The following PMPCB variants were observed in gnomAD, a reference collection of about 807,000 sequenced individuals.
PMPCB encodes the protein peptidase, mitochondrial processing subunit beta, also known as mitochondrial-processing peptidase subunit beta.
PMPCB carries 46 observed loss-of-function variants against 61.5 expected under a neutral mutation model. That is an observed-to-expected ratio of 0.75 (90% CI 0.59 to 0.96). The LOEUF (loss-of-function observed/expected upper bound fraction) is 0.96. Among genes scored for constraint, PMPCB ranks in the 40% least tolerant of loss-of-function variants. The probability of loss-of-function intolerance (pLI) is 0.00; values close to 1 mark genes in which losing one functional copy is unlikely to be tolerated. For missense variants in PMPCB, 590 were observed against 602.4 expected (o/e 0.98, Z 0.22); for synonymous variants, 191 against 201.6 (o/e 0.95, Z 0.44).
At chr7:103,345,134 T>G in the PMPCB span, 2 of 191,292 alleles carry the variant, frequency 1.0e-5, no homozygotes, top group Non-Finnish European at 2.1e-5. Context: ...TGCGGAGAAT[T>G]ACGTACGTGT....
rs187889977 is a variant in PMPCB at position 103,300,444 on chromosome 7, G to A, written c.457+137G>A. ...AAGCGAAACTGAATTCTGGGTGAGG[G>A]TACAGCTGATCTTATTTTTTTTCTA... On this transcript the variant is annotated intron_variant, in intron 4 of 12. Coordinates refer to ENST00000249269, the MANE Select transcript of PMPCB (RefSeq NM_004279.3). 1.6e-4 allele frequency: 90 copies of A among 557,240 alleles called. No individual in the cohort carries two copies. In the Admixed American group the frequency reaches 3.2e-3, roughly 20 times the overall value. 34.5% of individuals were successfully genotyped at this position (557,240 alleles called of 1,614,324 possible).
intron 12 of PMPCB, chr7:103,327,769 A>G (rs761562556): frequency 7.6e-6 from 12 of 1,573,084 alleles, no homozygotes; most frequent in Non-Finnish European, 8.7e-6. Context: ...AAAACCAGTC[A>G]GATTGAGATA....
At chr7:103,303,752 A>C (rs933376850) in intron 4 of PMPCB, 90 bp from the exon 5 acceptor site, 6 of 775,726 alleles carry the variant, frequency 7.7e-6, no homozygotes, top group African/African-American at 7.0e-5. Context: ...GTGATGGGTC[A>C]GTGTCATGAT....
chr7:103,320,137 G>A (rs1475424715), intron 12 of PMPCB, among the ~76,000 whole-genome samples: 1 of 152,088 alleles, frequency 6.6e-6, no homozygotes, highest in Non-Finnish European at 1.5e-5. Context: ...CGCCCAGGCT[G>A]GAGTCCAGTG....
the PMPCB span, chr7:103,344,305 A>ATG: frequency 1.8e-6 from 1 of 569,656 alleles, no homozygotes; most frequent in Non-Finnish European, 3.1e-6. Context: ...TGCTCAGCCC[A>ATG]ATCCATGAGT....
chr7:103,304,688 C>G (rs1242619085), intron 6 of PMPCB, among the ~76,000 whole-genome samples, 198 bp downstream of exon 6: 1 of 151,984 alleles, frequency 6.6e-6, no homozygotes, highest in East Asian at 1.9e-4. Flanking sequence ...TTAGGCCAGG[C>G]ATGGTGACTC....
chr7:103,303,320 T>C (rs1257094555), intron 4 of PMPCB, among the ~76,000 whole-genome samples: 1 of 152,214 alleles, frequency 6.6e-6, no homozygotes, highest in African/African-American at 2.4e-5. Flanking sequence ...TTTTGGCATG[T>C]TCCCCAGGTT....
the PMPCB span, chr7:103,344,567 A>C: frequency 6.2e-7 from 1 of 1,613,712 alleles, no homozygotes; most frequent in Non-Finnish European, 8.5e-7. Context: ...ACCAGAGGTC[A>C]GAGCGTGGGT....
At chr7:103,320,557 G>A (rs1050568993) in intron 12 of PMPCB, among the ~76,000 whole-genome samples, 3 of 150,944 alleles carry the variant, frequency 2.0e-5, no homozygotes, top group South Asian at 4.2e-4. Flanking sequence ...TCAGGAGATC[G>A]AGACCATCCT....
chr7:103,309,100 G>A lies in PMPCB; in HGVS notation c.993+5G>A. ...CGCTCTTTTGGGGGAGGAATGGTAA[G>A]TGATTTTAAAAGAAATTTTCCATAA... On this transcript the variant is annotated splice_donor_5th_base_variant and intron_variant, in intron 8 of 12. Transcript: ENST00000249269. The A allele has an allele frequency of 1.9e-6, 3 of 1,582,718 alleles. No individual in the cohort carries two copies. The highest frequency in any genetic ancestry group is 2.6e-6 in the Non-Finnish European group (3 of 1,166,418).
rs1563444388 is a variant in PMPCB at position 103,300,311 on chromosome 7, C to G, written c.457+4C>G. The G allele has an allele frequency of 6.3e-7, 1 of 1,595,352 alleles. No individual in the cohort carries two copies. The highest frequency in any genetic ancestry group is 8.5e-7 in the Non-Finnish European group (1 of 1,170,888). On this transcript the variant is annotated splice_donor_region_variant and intron_variant, in intron 4 of 12. Coordinates refer to ENST00000249269, the MANE Select transcript of PMPCB (RefSeq NM_004279.3). ...TTCTCTAAAGACTTGCCAAGAGGTA[C>G]TGTTATTATTTATACAGCAGATAAT...
chr7:103,315,881 G>A, downstream of PMPCB: 1 of 1,591,976 alleles, frequency 6.3e-7, no homozygotes, highest in African/African-American at 1.4e-5. Context: ...TCTGAGAAAT[G>A]AAAAAAATTT....
Position 103,312,184 on chromosome 7 carries a change from T to C in PMPCB, c.1406-23T>C, listed in dbSNP as rs577366317. 16 of 1,613,978 alleles carry C rather than the reference T, an allele frequency of 9.9e-6. No homozygotes were observed. The East Asian group carries it at 3.3e-4, about 34-fold the overall frequency. On this transcript the variant is annotated intron_variant, in intron 12 of 12. Transcript: ENST00000249269. Reference sequence around the variant, plus strand: ...AAAAAGTTGGCCAAGTACTTTTAATTAACTCTTCTTTTTAATCCTTAGGTC... The same window carrying C: ...AAAAAGTTGGCCAAGTACTTTTAATCAACTCTTCTTTTTAATCCTTAGGTC...
At position 103,297,544 on chromosome 7, in the gene PMPCB, GGC is replaced by G; in HGVS notation, c.88_89del (p.Ala30CysfsTer27). On this transcript the variant is annotated frameshift_variant, in exon 1 of 13. Coordinates refer to ENST00000249269, the MANE Select transcript of PMPCB (RefSeq NM_004279.3). LOFTEE classifies it high-confidence loss of function. ...TTTCAGCGAGAGTCTTCTAATCCGA[GGC>G]GCTGCGGGACGGGTGAGCTTCCCTC... ...WGFSESLLIR[G>X]AAGRSLYFGE... 6.2e-7 allele frequency: 1 copy of G among 1,609,928 alleles called. No individual in the cohort carries two copies. The highest frequency in any genetic ancestry group is 8.5e-7 in the Non-Finnish European group (1 of 1,177,482).
At chr7:103,337,139 T>C in the PMPCB span, 2 of 152,278 alleles carry the variant, frequency 1.3e-5, no homozygotes, top group East Asian at 3.8e-4. Flanking sequence ...GTTGAACTGA[T>C]CACGTGTATA....
chr7:103,298,128 C>CT (rs1292088228), intron 1 of PMPCB, among the ~76,000 whole-genome samples: 3,767 of 146,788 alleles, frequency 0.026, 46 homozygotes, highest in Middle Eastern at 0.031. Flanking sequence ...TCCTCTCTCT[C>CT]TTTTTTTTTT....
chr7:103,306,414 C>G (rs1554562576), intron 6 of PMPCB, among the ~76,000 whole-genome samples: 1 of 131,416 alleles, frequency 7.6e-6, no homozygotes. Context: ...TGGAGTTTTG[C>G]TCTTATTGCC....
At chr7:103,321,685 T>C (rs945381740) in intron 12 of PMPCB, among the ~76,000 whole-genome samples, 7 of 151,516 alleles carry the variant, frequency 4.6e-5, no homozygotes, top group African/African-American at 1.7e-4. Context: ...CTGTCTCTAC[T>C]AAAAATACAA....
intron 3 of PMPCB, 136 bp downstream of exon 3, chr7:103,299,665 A>G (rs927555435): frequency 7.4e-6 from 4 of 541,260 alleles, no homozygotes; most frequent in African/African-American, 5.8e-5. Flanking sequence ...AGTATCTAAA[A>G]TAAGTAGTGA....
Sources: allele counts gnomAD v4.1 joint callset (sites outside exome capture counted in the v4.1 genomes callset), GRCh38; gene constraint gnomAD v4.1.1; transcripts MANE v1.5; gene names NCBI Gene and HGNC (gene_info 2026-07-23, HGNC 2026-07-21).